The following ZNF346 variants were observed in gnomAD, a reference collection of about 807,000 sequenced individuals.
ZNF346 encodes the protein double-stranded RNA-binding zinc finger protein JAZ.
Under a neutral mutation model 33.7 loss-of-function variants are expected in ZNF346, and 23 were observed. The ratio of observed to expected loss-of-function variants is 0.68; its 90% CI spans 0.49 to 0.97. The LOEUF (loss-of-function observed/expected upper bound fraction) is 0.97, where lower values mean the gene tolerates loss of function less well. Among genes scored for constraint, ZNF346 ranks in the 50% least tolerant of loss-of-function variants. The pLI is 0.00. For synonymous variants in ZNF346, 134 were observed against 142.4 expected (o/e 0.94, Z 0.42); for missense variants, 340 against 371.1 (o/e 0.92, Z 0.69).
At chr5:177,075,110 C>G (rs1166808170) in intron 8 of ZNF346, among the ~76,000 whole-genome samples, 1 of 150,010 alleles carries the variant, frequency 6.7e-6, no homozygotes, top group East Asian at 2.0e-4. Context: ...TAAAATATAT[C>G]TACATTTTGG....
In ZNF346 at chr5:177,048,173, T is replaced by TGTCTAAAATGAGGGACAA. The variant is rs1464877207; in HGVS notation, c.518-2578_518-2577insGTCTAAAATGAGGGACAA. Among the ~76,000 whole-genome samples the TGTCTAAAATGAGGGACAA allele has an allele frequency of 8.0e-4, 122 of 152,290 alleles. 3 individuals are homozygous for TGTCTAAAATGAGGGACAA. In the East Asian group the frequency reaches 0.023, roughly 28 times the overall value. On this transcript the variant is annotated intron_variant, in intron 4 of 6. Transcript: ENST00000358149. The stretch of plus-strand genomic sequence containing the variant: ...CAGGTTATTTTCTGAGAACAGACTC[T>TGTCTAAAATGAGGGACAA]ATATCCCTCATTTTATTGGATGCGC...
chr5:177,023,256 T>C (rs1776147138), intron 1 of ZNF346: 22 of 1,497,842 alleles, frequency 1.5e-5, no homozygotes, highest in Non-Finnish European at 2.0e-5. Flanking sequence ...CGAGTGCCCC[T>C]CACCACTCCT....
At chr5:177,059,083 G>A (rs373141995) in intron 5 of ZNF346, among the ~76,000 whole-genome samples, 1 of 152,182 alleles carries the variant, frequency 6.6e-6, no homozygotes, top group Non-Finnish European at 1.5e-5. Context: ...CTTCGTTCAA[G>A]GCCATTCATT....
At chr5:177,025,344 T>G (rs943526781) in intron 1 of ZNF346, among the ~76,000 whole-genome samples, 1 of 151,722 alleles carries the variant, frequency 6.6e-6, no homozygotes, top group Non-Finnish European at 1.5e-5. Context: ...GTTTGGAGTT[T>G]TTGTGAATAG....
intron 1 of ZNF346, among the ~76,000 whole-genome samples, chr5:177,026,795 A>G (rs1250541200): frequency 6.6e-6 from 1 of 152,218 alleles, no homozygotes; most frequent in African/African-American, 2.4e-5. Flanking sequence ...GGACTCATAC[A>G]AAGTTGTTTA....
chr5:177,079,822 C>T (rs1236672361), exon 9 of ZNF346: 1 of 152,272 alleles, frequency 6.6e-6, no homozygotes, highest in Non-Finnish European at 1.5e-5. Flanking sequence ...ACGTGCATGC[C>T]AACACCCGGT....
chr5:177,026,444 C>G (rs1275381089), intron 1 of ZNF346, among the ~76,000 whole-genome samples: 2 of 150,676 alleles, frequency 1.3e-5, no homozygotes, highest in Non-Finnish European at 2.9e-5. Context: ...ACTGCAGCCT[C>G]CCTGTCCCAG....
chr5:177,040,501 C>A (rs1361733941), intron 1 of ZNF346, among the ~76,000 whole-genome samples: 2 of 152,022 alleles, frequency 1.3e-5, no homozygotes, highest in African/African-American at 4.8e-5. Flanking sequence ...CCTGCCACCA[C>A]ACCTGGCTAA....
At chr5:177,063,644 T>C (rs555263405) in intron 6 of ZNF346, among the ~76,000 whole-genome samples, 1 of 152,358 alleles carries the variant, frequency 6.6e-6, no homozygotes, top group East Asian at 1.9e-4. Flanking sequence ...GCTCTCTTGC[T>C]AAACTTTCCA....
chr5:177,042,673 A>G (rs1191592272), intron 3 of ZNF346, among the ~76,000 whole-genome samples: 2 of 152,138 alleles, frequency 1.3e-5, no homozygotes, highest in African/African-American at 2.4e-5. Flanking sequence ...TACTGGACTC[A>G]TCCCCTGGTT....
intron 1 of ZNF346, among the ~76,000 whole-genome samples, chr5:177,031,998 CTTTTTTTTTTTTTT>C (rs34021834): frequency 1.0e-4 from 7 of 67,838 alleles, no homozygotes; most frequent in Admixed American, 4.4e-4. Context: ...TTTCTTTTTT[CTTTTTTTTTTTTTT>C]TTTTTTTTTT....
At chr5:177,053,423 T>C (rs980239147) in intron 5 of ZNF346, among the ~76,000 whole-genome samples, 4 of 151,808 alleles carry the variant, frequency 2.6e-5, no homozygotes, top group African/African-American at 9.7e-5. Flanking sequence ...AGGGCTGTGA[T>C]TACAGGCATG....
rs1331808760 is a variant in ZNF346 at position 177,066,607 on chromosome 5, C to T, written c.*2008C>T. 3.9e-5 allele frequency among the ~76,000 whole-genome samples: 6 copies of T among 151,910 alleles called. No homozygotes were observed. Among genetic ancestry groups the T allele is most frequent in the African/African-American group, 7.3e-5 (3 of 41,378 alleles). The stretch of plus-strand genomic sequence containing the variant: ...TTATGGCCAGGTGCGGCGTCATGCA[C>T]CTATAGTCCCAGCTGCTCAGGAGGC... On this transcript the variant is annotated 3_prime_UTR_variant, in exon 7 of 7. Transcript: ENST00000358149.
downstream of ZNF346, among the ~76,000 whole-genome samples, chr5:177,072,868 G>A (rs977233286): frequency 2.0e-5 from 3 of 152,322 alleles, no homozygotes; most frequent in Admixed American, 2.0e-4. Context: ...AGCTATGCCT[G>A]AAGCTAATAT....
intron 2 of ZNF346, among the ~76,000 whole-genome samples, chr5:177,041,529 CTT>C (rs1779336686): frequency 6.6e-6 from 1 of 152,150 alleles, no homozygotes; most frequent in South Asian, 2.1e-4. Context: ...GAGCAAGAAA[CTT>C]CATCATTTTT....
chr5:177,050,978 G>A, intron 5 of ZNF346, 42 bp downstream of exon 5: 1 of 1,508,460 alleles, frequency 6.6e-7, no homozygotes, highest in Non-Finnish European at 9.2e-7. Context: ...ACCAGGGTTT[G>A]GCCACTGGGG....
chr5:177,066,955 G>A lies in ZNF346; in HGVS notation c.*2356G>A, dbSNP rs529475821. On this transcript the variant is annotated 3_prime_UTR_variant, in exon 7 of 7. Coordinates refer to ENST00000358149, the MANE Select transcript of ZNF346 (RefSeq NM_012279.4). ...CACACATCTGTAGTCCCAGCTACTT[G>A]GGAGGCTGAGGCAAGAGAATTGCTT... Among the ~76,000 whole-genome samples, 5 of 152,206 alleles carry A rather than the reference G, an allele frequency of 3.3e-5. No homozygotes were observed. The highest frequency in any genetic ancestry group is 2.1e-4 in the South Asian group (1 of 4,816).
chr5:177,069,754 T>A (rs1783415320), downstream of ZNF346, among the ~76,000 whole-genome samples: 1 of 152,098 alleles, frequency 6.6e-6, no homozygotes, highest in Non-Finnish European at 1.5e-5. Context: ...CTCGAACTCC[T>A]GGGCTCAAGT....
At chr5:177,059,232 A>G (rs979571143) in intron 5 of ZNF346, among the ~76,000 whole-genome samples, 3 of 152,136 alleles carry the variant, frequency 2.0e-5, no homozygotes, top group African/African-American at 7.2e-5. Context: ...GATTATCCCC[A>G]TTTTACAGAT....
Sources: allele counts gnomAD v4.1 joint callset (sites outside exome capture counted in the v4.1 genomes callset), GRCh38; gene constraint gnomAD v4.1.1; transcripts MANE v1.5; gene names NCBI Gene and HGNC (gene_info 2026-07-23, HGNC 2026-07-21).